MECOM: variants seen among roughly 807,000 people sequenced by gnomAD.
MECOM encodes the protein MDS1 and EVI1 complex locus.
A neutral mutation model predicts 116.3 loss-of-function variants in MECOM; 13 were observed. The observed-to-expected ratio is 0.11, with a 90% CI of 0.07 to 0.18. MECOM has a LOEUF of 0.18. MECOM is among the 10% of genes least tolerant of loss of function. The pLI, the probability that MECOM is intolerant of heterozygous loss-of-function variation, is 1.00. For missense variants in MECOM, 1,299 were observed against 1,509.0 expected (o/e 0.86, Z 2.31); for synonymous variants, 528 against 535.2 (o/e 0.99, Z 0.19).
intron 1 of MECOM, among the ~76,000 whole-genome samples, chr3:169,647,846 G>A (rs1356988558): frequency 2.0e-5 from 3 of 152,100 alleles, no homozygotes; most frequent in Admixed American, 2.0e-4. Flanking sequence ...GAGGCTCAGA[G>A]GGTTAATGCC....
chr3:169,278,268 A>G (rs1759859698), intron 2 of MECOM, among the ~76,000 whole-genome samples: 1 of 152,242 alleles, frequency 6.6e-6, no homozygotes, highest in South Asian at 2.1e-4. Flanking sequence ...TCGGAATTTC[A>G]TGCACAACCC....
chr3:169,564,316 A>T (rs1051681755), intron 1 of MECOM, among the ~76,000 whole-genome samples: 1 of 152,242 alleles, frequency 6.6e-6, no homozygotes, highest in East Asian at 1.9e-4. Flanking sequence ...GAAAAGTCTT[A>T]AGCTTAATTC....
At chr3:169,457,812 T>C (rs925905645) in intron 1 of MECOM, among the ~76,000 whole-genome samples, 6 of 152,228 alleles carry the variant, frequency 3.9e-5, no homozygotes, top group African/African-American at 1.4e-4. Flanking sequence ...CCTTATCTTT[T>C]CTTCCCCTTG....
intron 3 of MECOM, among the ~76,000 whole-genome samples, chr3:169,140,785 G>C (rs1342005875): frequency 6.9e-6 from 1 of 144,620 alleles, no homozygotes; most frequent in African/African-American, 2.6e-5. Context: ...GAAAGGTATG[G>C]GGAAAGTGGT....
intron 2 of MECOM, among the ~76,000 whole-genome samples, chr3:169,247,012 A>G (rs1755666462): frequency 6.6e-6 from 1 of 152,126 alleles, no homozygotes; most frequent in Middle Eastern, 3.2e-3. Flanking sequence ...ATTTAAAGAG[A>G]TTTTTTTAAG....
intron 2 of MECOM, among the ~76,000 whole-genome samples, chr3:169,331,500 A>G (rs1205504647): frequency 6.6e-6 from 1 of 152,198 alleles, no homozygotes; most frequent in African/African-American, 2.4e-5. Context: ...AAACTTGAAA[A>G]CAATATATCT....
In MECOM at chr3:169,088,991, A is replaced by G; in HGVS notation, c.3585+9T>C. ...TAACCATGATGCTGTACTATGGGAA[A>G]ATCTGTACCTGCGATTTGGACTTTC... On this transcript the variant is annotated intron_variant, in intron 16 of 16. Transcript: ENST00000651503. 6.4e-7 allele frequency: 1 copy of G among 1,574,302 alleles called. No individual in the cohort carries two copies. Among genetic ancestry groups the G allele is most frequent in the Admixed American group, 1.9e-5 (1 of 52,514 alleles).
intron 2 of MECOM, among the ~76,000 whole-genome samples, chr3:169,350,946 C>T (rs1036077033): frequency 1.3e-5 from 2 of 151,850 alleles, no homozygotes; most frequent in Non-Finnish European, 2.9e-5. Flanking sequence ...ATAAAGAACA[C>T]TAAATGTTAA....
chr3:169,645,261 A>C (rs894501297), intron 1 of MECOM, among the ~76,000 whole-genome samples: 1 of 151,962 alleles, frequency 6.6e-6, no homozygotes, highest in Non-Finnish European at 1.5e-5. Context: ...CCTAAAACCT[A>C]ATATCCTGCT....
chr3:169,203,017 C>T (rs1559987512), intron 2 of MECOM, among the ~76,000 whole-genome samples: 2 of 152,050 alleles, frequency 1.3e-5, no homozygotes, highest in African/African-American at 2.4e-5. Context: ...AGCCATCATC[C>T]TGCCATTTCT....
intron 1 of MECOM, among the ~76,000 whole-genome samples, chr3:169,608,640 T>C (rs1768876191): frequency 6.6e-6 from 1 of 152,160 alleles, no homozygotes; most frequent in Non-Finnish European, 1.5e-5. Flanking sequence ...AAGAGTCTGG[T>C]GTAAGGATGA....
At chr3:169,170,418 A>G (rs963948014) in intron 2 of MECOM, among the ~76,000 whole-genome samples, 1 of 151,772 alleles carries the variant, frequency 6.6e-6, no homozygotes, top group African/African-American at 2.4e-5. Flanking sequence ...AAAAAAAAAA[A>G]AAAAAAAAAA....
intron 1 of MECOM, among the ~76,000 whole-genome samples, chr3:169,400,405 T>C (rs1735689476): frequency 6.6e-6 from 1 of 152,240 alleles, no homozygotes; most frequent in Admixed American, 6.5e-5. Context: ...CTAACTCATG[T>C]ATACTAAACA....
At chr3:169,386,964 TG>T (rs1337363931) in intron 1 of MECOM, among the ~76,000 whole-genome samples, 4 of 152,320 alleles carry the variant, frequency 2.6e-5, no homozygotes, top group Admixed American at 2.6e-4. Flanking sequence ...AATTGTTCAT[TG>T]TTTTTGCCCA....
intron 1 of MECOM, among the ~76,000 whole-genome samples, chr3:169,660,356 G>A (rs955566513): frequency 6.6e-6 from 1 of 151,604 alleles, no homozygotes; most frequent in African/African-American, 2.4e-5. Context: ...GATTTACAAC[G>A]AATTTATCGG....
chr3:169,368,961 C>T (rs752338070), intron 2 of MECOM, among the ~76,000 whole-genome samples: 6 of 151,962 alleles, frequency 3.9e-5, no homozygotes, highest in Non-Finnish European at 8.8e-5. Context: ...ACCCAACATT[C>T]CTTTGAAAAA....
intron 1 of MECOM, among the ~76,000 whole-genome samples, chr3:169,631,113 G>T (rs1577192454): frequency 6.6e-6 from 1 of 152,226 alleles, no homozygotes; most frequent in Non-Finnish European, 1.5e-5. Context: ...CTAGCCTTGG[G>T]ATCAGTGCCC....
intron 2 of MECOM, among the ~76,000 whole-genome samples, chr3:169,302,523 G>T (rs1237208730): frequency 1.3e-5 from 2 of 151,910 alleles, no homozygotes; most frequent in African/African-American, 4.8e-5. Flanking sequence ...TGAATAGAAT[G>T]AATATTTTTT....
chr3:169,383,749 G>A (rs942053143), intron 1 of MECOM, among the ~76,000 whole-genome samples: 7 of 152,080 alleles, frequency 4.6e-5, no homozygotes, highest in Non-Finnish European at 7.4e-5. Context: ...AACCTCTTAG[G>A]TTTGGACTAA....
Sources: gnomAD v4.1 joint callset for allele counts (sites outside exome capture counted in the v4.1 genomes callset) on GRCh38, gnomAD v4.1.1 for gene constraint, MANE v1.5 for transcripts, NCBI Gene and HGNC (gene_info 2026-07-23, HGNC 2026-07-21) for gene names.